DOCK1: variants seen among roughly 807,000 people sequenced by gnomAD.
DOCK1 encodes dedicator of cytokinesis 1, also known as dedicator of cytokinesis protein 1.
DOCK1 carries 138 observed loss-of-function variants against 262.7 expected under a neutral mutation model. The observed-to-expected ratio is 0.53, with a 90% CI of 0.46 to 0.61. The LOEUF is 0.61. Ranked by LOEUF, DOCK1 falls within the 20% of genes least tolerant of loss-of-function variation. The probability of loss-of-function intolerance (pLI) is 0.00; values close to 1 mark genes in which losing one functional copy is unlikely to be tolerated. For synonymous variants in DOCK1, 866 were observed against 867.4 expected (o/e 1.00, Z 0.03); for missense variants, 1,908 against 2,370.7 (o/e 0.80, Z 4.05).
intron 29 of DOCK1, among the ~76,000 whole-genome samples, chr10:127,329,218 A>G (rs75619195): frequency 0.048 from 7,359 of 152,220 alleles, 214 homozygotes; most frequent in Non-Finnish European, 0.072. Flanking sequence ...AGCATCCAGG[A>G]CAACCTGTCC....
chr10:127,150,296 C>A (rs76746736), intron 27 of DOCK1, among the ~76,000 whole-genome samples: 163 of 152,118 alleles, frequency 1.1e-3, no homozygotes, highest in Non-Finnish European at 2.2e-3. Flanking sequence ...CAGAACTGAC[C>A]GCAAGCTGCG....
chr10:127,294,321 G>A (rs995033161), intron 29 of DOCK1, among the ~76,000 whole-genome samples: 10 of 151,244 alleles, frequency 6.6e-5, no homozygotes, highest in African/African-American at 2.4e-4. Flanking sequence ...GTTTTGTTTT[G>A]TTTTTTGTTT....
intron 33 of DOCK1, among the ~76,000 whole-genome samples, chr10:127,362,552 C>G (rs1032578745): frequency 4.6e-5 from 7 of 152,210 alleles, no homozygotes; most frequent in Admixed American, 4.6e-4. Context: ...GTGTTACATT[C>G]TCTCAGACCG....
At chr10:126,924,782 A>G (rs2033550096) in intron 1 of DOCK1, among the ~76,000 whole-genome samples, 1 of 152,178 alleles carries the variant, frequency 6.6e-6, no homozygotes, top group African/African-American at 2.4e-5. Flanking sequence ...TGATTTATAG[A>G]CAGGCACTTA....
chr10:127,094,559 G>A (rs889701544), intron 23 of DOCK1, among the ~76,000 whole-genome samples: 3 of 152,206 alleles, frequency 2.0e-5, no homozygotes, highest in African/African-American at 7.2e-5. Flanking sequence ...CAGCGAGGCA[G>A]CTGGAGGGTG....
intron 29 of DOCK1, among the ~76,000 whole-genome samples, chr10:127,327,219 C>T (rs749355959): frequency 6.6e-6 from 1 of 152,210 alleles, no homozygotes; most frequent in Non-Finnish European, 1.5e-5. Context: ...GAATTGACTT[C>T]TTCTCCCTAA....
In DOCK1 at chr10:127,176,388, C is replaced by G; in HGVS notation, c.2847+48624C>G. ...GAGTATGCATTTGCCGGTGTCCTTA[C>G]TGACCATGGTTCCTGCATTCAGAAA... On this transcript the variant is annotated intron_variant, in intron 27 of 51. Coordinates refer to ENST00000623213, the MANE Select transcript of DOCK1 (RefSeq NM_001290223.2). This position sits in a 1 kb window ranked among gnomAD's most constrained non-coding sequence, Gnocchi z 4.4. 2 of 1,604,346 alleles carry G rather than the reference C, an allele frequency of 1.2e-6. No homozygotes were observed. The highest frequency in any genetic ancestry group is 1.7e-6 in the Non-Finnish European group (2 of 1,176,134).
intron 32 of DOCK1, among the ~76,000 whole-genome samples, chr10:127,359,307 T>A (rs2064298206): frequency 6.6e-6 from 1 of 152,194 alleles, no homozygotes; most frequent in African/African-American, 2.4e-5. Flanking sequence ...AGGGTGATAA[T>A]AAAAGGTTAA....
At chr10:127,267,195 T>A (rs980558222) in intron 29 of DOCK1, among the ~76,000 whole-genome samples, 1 of 152,178 alleles carries the variant, frequency 6.6e-6, no homozygotes, top group African/African-American at 2.4e-5. Flanking sequence ...TGGGCCTAGA[T>A]ATGGTTGCAG....
chr10:127,186,803 AAG>A (rs1434271374), intron 27 of DOCK1, among the ~76,000 whole-genome samples: 1 of 151,970 alleles, frequency 6.6e-6, no homozygotes, highest in African/African-American at 2.4e-5. Flanking sequence ...GGGATGTATA[AAG>A]AGAGAGAGGT....
chr10:127,304,572 G>A (rs1345216689), intron 29 of DOCK1, among the ~76,000 whole-genome samples: 6 of 151,984 alleles, frequency 3.9e-5, no homozygotes, highest in Admixed American at 1.3e-4. Context: ...CACATACCTT[G>A]TATTTTATTT....
chr10:127,127,964 G>T, intron 27 of DOCK1, 200 bp downstream of exon 27: 1 of 389,600 alleles, frequency 2.6e-6, no homozygotes, highest in Non-Finnish European at 4.6e-6. Context: ...GAAACATTTG[G>T]CTCTTGTTTT....
chr10:127,264,176 G>A (rs1056666568), intron 29 of DOCK1, among the ~76,000 whole-genome samples: 1 of 152,196 alleles, frequency 6.6e-6, no homozygotes, highest in Non-Finnish European at 1.5e-5. Context: ...GACTTGTAAC[G>A]GAATTTTTAA....
intron 1 of DOCK1, among the ~76,000 whole-genome samples, chr10:126,944,939 A>T (rs1234378201): frequency 1.3e-5 from 2 of 152,114 alleles, no homozygotes; most frequent in Admixed American, 6.6e-5. Flanking sequence ...CCCGGGTTCA[A>T]ACGATTCTCC....
intron 23 of DOCK1, among the ~76,000 whole-genome samples, chr10:127,092,373 C>T (rs1001864977): frequency 6.6e-6 from 1 of 152,190 alleles, no homozygotes; most frequent in East Asian, 1.9e-4. Context: ...CCCTGTGTGC[C>T]CACCACGGGC....
chr10:127,009,288 C>G (rs993608385), intron 11 of DOCK1, among the ~76,000 whole-genome samples: 1 of 152,060 alleles, frequency 6.6e-6, no homozygotes, highest in Admixed American at 6.6e-5. Flanking sequence ...TAGAGTGGAG[C>G]CTATCTGTGT....
chr10:127,144,203 C>T (rs1024590247), intron 27 of DOCK1, among the ~76,000 whole-genome samples: 1 of 152,196 alleles, frequency 6.6e-6, no homozygotes, highest in African/African-American at 2.4e-5. Context: ...CTTAGGAAAA[C>T]TGGCAAACTC....
At chr10:127,002,511 A>G (rs1312998259) in intron 10 of DOCK1, among the ~76,000 whole-genome samples, 1 of 152,196 alleles carries the variant, frequency 6.6e-6, no homozygotes, top group African/African-American at 2.4e-5. Context: ...CTCAGCTGAC[A>G]CCACTGTGGC....
intron 51 of DOCK1, among the ~76,000 whole-genome samples, chr10:127,449,842 C>T (rs1199979586): frequency 6.6e-6 from 1 of 152,260 alleles, no homozygotes; most frequent in Non-Finnish European, 1.5e-5. Context: ...CATTTCTTTC[C>T]AAATGGCTCT....
Sources: gnomAD v4.1 joint callset for allele counts (sites outside exome capture counted in the v4.1 genomes callset) on GRCh38, gnomAD v4.1.1 for gene constraint, Gnocchi (gnomAD v3.1) non-coding constraint, MANE v1.5 for transcripts, NCBI Gene and HGNC (gene_info 2026-07-23, HGNC 2026-07-21) for gene names.